Variants in SLC66A1 observed in about 807,000 individuals in gnomAD.
The protein encoded by SLC66A1 is lysosomal amino acid transporter 1 homolog.
Under a neutral mutation model 33.0 loss-of-function variants are expected in SLC66A1, and 23 were observed. The ratio of observed to expected loss-of-function variants is 0.70; its 90% CI spans 0.50 to 0.99. The LOEUF (loss-of-function observed/expected upper bound fraction) is 0.99, where lower values mean the gene tolerates loss of function less well. Among genes scored for constraint, SLC66A1 ranks in the 50% least tolerant of loss-of-function variants. The pLI, the probability that SLC66A1 is intolerant of heterozygous loss-of-function variation, is 0.00. For synonymous variants in SLC66A1, 164 were observed against 175.5 expected, an observed-to-expected ratio of 0.93 and a Z score of 0.52; for missense variants, 335 against 383.6, an observed-to-expected ratio of 0.87 and a Z score of 1.06.
Position 19,328,487 on chromosome 1 carries a change from G to C in SLC66A1, c.805-85G>C, listed in dbSNP as rs1055927321. The C allele has an allele frequency of 3.2e-5, 41 of 1,281,594 alleles. 1 individual carries two copies. The highest frequency in any genetic ancestry group is 1.8e-4 in the Middle Eastern group (1 of 5,410). The allele number at this position is 1,281,594 out of a possible 1,614,324, so 79.4% of individuals were successfully genotyped here. A position where few individuals can be genotyped will look rare whatever the true frequency, so the allele number is the denominator to read the frequency against. ...GTGGGGGTGGGAGGGAGGGGAGAGG[G>C]AGGCAGCTCCCAGGAGTCGAAGGCC... On this transcript the variant is annotated intron_variant, in intron 7 of 7. Transcript: ENST00000375153. This position sits in a 1 kb window ranked among gnomAD's most constrained non-coding sequence, Gnocchi z 4.7.
downstream of SLC66A1, among the ~76,000 whole-genome samples, chr1:19,331,031 A>T (rs2093890931): frequency 2.0e-5 from 3 of 151,422 alleles, no homozygotes; most frequent in Admixed American, 2.0e-4. Context: ...TTTTTTTTTG[A>T]CACAGAGTCT....
chr1:19,320,412 C>CTTTTTTTTT, intron 2 of SLC66A1, among the ~76,000 whole-genome samples: 1 of 98,630 alleles, frequency 1.0e-5, no homozygotes, highest in Non-Finnish European at 1.9e-5. Context: ...GGTGGCCTGT[C>CTTTTTTTTT]TTTTTTTTTT....
intron 1 of SLC66A1, 95 bp from the exon 2 acceptor site, chr1:19,317,505 C>A: frequency 7.3e-7 from 1 of 1,376,776 alleles, no homozygotes; most frequent in Non-Finnish European, 9.5e-7. Flanking sequence ...GGGCCAGGAG[C>A]CCCGTGAAAA....
chr1:19,331,543 G>C (rs958673089), downstream of SLC66A1, among the ~76,000 whole-genome samples: 3 of 152,144 alleles, frequency 2.0e-5, no homozygotes, highest in Non-Finnish European at 4.4e-5. Flanking sequence ...CTGGACCCAG[G>C]CTCCCTTCTC....
At chr1:19,323,566 C>G (rs907456536) in intron 2 of SLC66A1, among the ~76,000 whole-genome samples, 1 of 152,090 alleles carries the variant, frequency 6.6e-6, no homozygotes, top group African/African-American at 2.4e-5. Flanking sequence ...GCCACCATGC[C>G]TGGCTGATTT....
At chr1:19,316,143 C>T (rs1292713488) in intron 1 of SLC66A1, among the ~76,000 whole-genome samples, 3 of 152,146 alleles carry the variant, frequency 2.0e-5, no homozygotes, top group African/African-American at 4.8e-5. Context: ...CCCACCCCTG[C>T]GATCAGCCAT....
chr1:19,333,885 C>T (rs1484461768), downstream of SLC66A1, among the ~76,000 whole-genome samples: 2 of 143,876 alleles, frequency 1.4e-5, no homozygotes, highest in East Asian at 4.0e-4. This position sits in a 1 kb window ranked among gnomAD's most constrained non-coding sequence, Gnocchi z 4.2. Context: ...GCCTGGGTGA[C>T]AGAGACCTTG....
intron 7 of SLC66A1, chr1:19,327,878 C>T (rs1441186481): frequency 4.1e-5 from 13 of 317,560 alleles, no homozygotes; most frequent in South Asian, 1.8e-4. Flanking sequence ...GCTGTGCAGA[C>T]GAGAGCTGGA....
At position 19,325,598 on chromosome 1, in the gene SLC66A1, GCT is replaced by G; in HGVS notation, c.382+21_382+22del. ...CCCTCTCTGTGTGAGTATGGGGACC[GCT>G]CTCTGTCAGATGCTCTACCAGCAGC... is the stretch of plus-strand genomic sequence containing the variant. On this transcript the variant is annotated intron_variant, in intron 4 of 7. Coordinates refer to ENST00000375153, the MANE Select transcript of SLC66A1 (RefSeq NM_001040125.2). 1 of 1,466,696 alleles carries G rather than the reference GCT, an allele frequency of 6.8e-7. No homozygotes were observed. The highest frequency in any genetic ancestry group is 9.4e-7 in the Non-Finnish European group (1 of 1,060,830). 90.9% of individuals were successfully genotyped at this position (1,466,696 alleles called of 1,614,324 possible). A position where few individuals can be genotyped will look rare whatever the true frequency, so the allele number is the denominator to read the frequency against.
chr1:19,325,666 A>AACCC, intron 4 of SLC66A1, 84 bp downstream of exon 4: 1 of 1,199,874 alleles, frequency 8.3e-7, no homozygotes, highest in South Asian at 1.3e-5. Context: ...GTGTGGGAGG[A>AACCC]AGCGGGTTTC....
At chr1:19,333,664 T>A (rs78504764), downstream of SLC66A1, among the ~76,000 whole-genome samples, 54 of 152,116 alleles carry the variant, frequency 3.5e-4, no homozygotes, top group Non-Finnish European at 5.6e-4. The surrounding 1 kb of genome is among the most constrained non-coding windows in gnomAD (Gnocchi z 4.2). Context: ...TTTAAACTGA[T>A]CCACTGGCCA....
rs1480392288 is a variant in SLC66A1 at position 19,316,548 on chromosome 1, A to G, written c.-78-1052A>G. Among the ~76,000 whole-genome samples the G allele has an allele frequency of 3.3e-5, 5 of 151,144 alleles. No individual in the cohort carries two copies. In the East Asian group the frequency reaches 9.8e-4, roughly 30 times the overall value. ...TGGGACTACAAGCGTGTGCCACCAC[A>G]CCTGGCTAATTTTTGAATTTTTCAT... is the stretch of plus-strand genomic sequence containing the variant. On this transcript the variant is annotated intron_variant, in intron 1 of 7. Coordinates refer to ENST00000375153, the MANE Select transcript of SLC66A1 (RefSeq NM_001040125.2).
chr1:19,331,777 G>A (rs952698405), downstream of SLC66A1, among the ~76,000 whole-genome samples: 1 of 152,230 alleles, frequency 6.6e-6, no homozygotes, highest in African/African-American at 2.4e-5. Flanking sequence ...AGCCACATGA[G>A]CCCCAAGTGT....
chr1:19,327,852 G>T, intron 7 of SLC66A1: 1 of 345,318 alleles, frequency 2.9e-6, no homozygotes, highest in Admixed American at 3.8e-5. Flanking sequence ...GCGAAGGCAG[G>T]AGAGGAATGT....
intron 2 of SLC66A1, among the ~76,000 whole-genome samples, chr1:19,322,128 G>C (rs184086470): frequency 6.6e-6 from 1 of 152,086 alleles, no homozygotes; most frequent in East Asian, 1.9e-4. Context: ...GGCCACCTTG[G>C]AGGCTGTGGA....
intron 1 of SLC66A1, among the ~76,000 whole-genome samples, chr1:19,315,543 G>A (rs560552416): frequency 6.6e-6 from 1 of 152,176 alleles, no homozygotes; most frequent in African/African-American, 2.4e-5. Flanking sequence ...CAGCAGTTCC[G>A]TGGGGCCAGC....
intron 5 of SLC66A1, 22 bp downstream of exon 5, chr1:19,326,409 C>G (rs867483135): frequency 1.2e-6 from 2 of 1,604,844 alleles, no homozygotes; most frequent in Non-Finnish European, 1.7e-6. Flanking sequence ...GCGTGGCGGT[C>G]GAAGGGATGG....
At position 19,314,422 on chromosome 1, in the gene SLC66A1, T is replaced by C. The variant is rs2093794637; in HGVS notation, c.-79+1533T>C. Among the ~76,000 whole-genome samples, 3 of 152,190 alleles carry C rather than the reference T, an allele frequency of 2.0e-5. No individual in the cohort carries two copies. The South Asian group carries it at 6.2e-4, about 31-fold the overall frequency. On this transcript the variant is annotated intron_variant, in intron 1 of 7. Coordinates refer to ENST00000375153, the MANE Select transcript of SLC66A1 (RefSeq NM_001040125.2). Reference sequence around the variant, plus strand: ...GGGGCCATAAACCAAGGTACCTTCCTCGAGACAACCCCCCAACACACACAT... The same window carrying C: ...GGGGCCATAAACCAAGGTACCTTCCCCGAGACAACCCCCCAACACACACAT...
chr1:19,313,194 C>G (rs2093786469), intron 1 of SLC66A1: 1 of 985,414 alleles, frequency 1.0e-6, no homozygotes, highest in Non-Finnish European at 1.2e-6. Context: ...CACTTGAGTT[C>G]CAGACTGGTA....
Sources: allele counts gnomAD v4.1 joint callset (sites outside exome capture counted in the v4.1 genomes callset), GRCh38; gene constraint gnomAD v4.1.1; non-coding constraint Gnocchi (gnomAD v3.1); transcripts MANE v1.5; gene names NCBI Gene and HGNC (gene_info 2026-07-23, HGNC 2026-07-21).